Variants in EFCAB6 observed in about 807,000 individuals in gnomAD.
EFCAB6 encodes EF-hand calcium-binding domain-containing protein 6.
Under a neutral mutation model 169.8 loss-of-function variants are expected in EFCAB6, and 156 were observed. The observed-to-expected ratio is 0.92, with a 90% confidence interval of 0.81 to 1.05. EFCAB6 has a LOEUF of 1.05. Among genes scored for constraint, EFCAB6 ranks in the 50% least tolerant of loss-of-function variants. The pLI is 0.00. For synonymous variants in EFCAB6, 698 were observed against 676.4 expected (o/e 1.03, Z -0.50); for missense variants, 1,800 against 1,829.1 (o/e 0.98, Z 0.29).
chr22:43,787,816 T>C (rs1336772667), intron 2 of EFCAB6, among the ~76,000 whole-genome samples: 1 of 151,920 alleles, frequency 6.6e-6, no homozygotes, highest in Non-Finnish European at 1.5e-5. Flanking sequence ...AAAATAAAAA[T>C]AAAGTTGGAG....
chr22:43,579,200 G>A (rs911184539), intron 25 of EFCAB6, among the ~76,000 whole-genome samples: 62 of 134,128 alleles, frequency 4.6e-4, no homozygotes, highest in African/African-American at 1.6e-3. Context: ...GCATCATTCC[G>A]TACATGCAGG....
chr22:43,724,803 T>C (rs990002215), intron 8 of EFCAB6, among the ~76,000 whole-genome samples: 1 of 152,240 alleles, frequency 6.6e-6, no homozygotes, highest in Non-Finnish European at 1.5e-5. Flanking sequence ...CATGGTAATC[T>C]AGGCTTTTTC....
At chr22:43,637,861 A>T (rs1279223403) in intron 17 of EFCAB6, among the ~76,000 whole-genome samples, 2 of 152,198 alleles carry the variant, frequency 1.3e-5, no homozygotes, top group African/African-American at 4.8e-5. Flanking sequence ...AAAAAACTTT[A>T]TATTTTGAAA....
At chr22:43,566,168 A>G (rs191486637) in intron 26 of EFCAB6, among the ~76,000 whole-genome samples, 76 of 152,316 alleles carry the variant, frequency 5.0e-4, no homozygotes, top group African/African-American at 1.8e-3. Flanking sequence ...CTGGTGCATC[A>G]GGAGGTCAGG....
At position 43,668,526 on chromosome 22, in the gene EFCAB6, G is replaced by T. The variant is rs867492745; in HGVS notation, c.1814+346C>A. 2.0e-5 allele frequency among the ~76,000 whole-genome samples: 3 copies of T among 152,186 alleles called. No homozygotes were observed. In the South Asian group the frequency reaches 6.2e-4, roughly 32 times the overall value. On this transcript the variant is annotated intron_variant, in intron 16 of 31. Coordinates refer to ENST00000262726, the MANE Select transcript of EFCAB6 (RefSeq NM_022785.4). The stretch of plus-strand genomic sequence containing the variant: ...GCAAGGAATCTAAGTTTCTGGAAGA[G>T]AGTAAATGTGAATGCAGGTATGTAA...
intron 17 of EFCAB6, 120 bp from the exon 18 acceptor site, chr22:43,635,336 C>T: frequency 1.3e-6 from 1 of 742,688 alleles, no homozygotes; most frequent in Non-Finnish European, 2.3e-6. Flanking sequence ...ATTTGTCTGA[C>T]CCCACCCACA....
rs543695834 is a variant in EFCAB6, at chr22:43,697,948, C to A, written c.1032-10367G>T. 5.3e-5 allele frequency among the ~76,000 whole-genome samples: 8 copies of A among 152,274 alleles called. No individual in the cohort carries two copies. In the East Asian group the frequency reaches 1.2e-3, roughly 22 times the overall value. On this transcript the variant is annotated intron_variant, in intron 10 of 31. Transcript: ENST00000262726. ...ACAGAGGCAAAGGGACTGATCATAT[C>A]GGTCATAGGGACCCATGGGAATTCA... is the stretch of plus-strand genomic sequence containing the variant.
intron 26 of EFCAB6, among the ~76,000 whole-genome samples, chr22:43,561,195 A>C (rs968919982): frequency 2.6e-5 from 4 of 151,990 alleles, no homozygotes; most frequent in African/African-American, 9.7e-5. Flanking sequence ...CGTCTTTACC[A>C]AAAATACAAA....
intron 17 of EFCAB6, among the ~76,000 whole-genome samples, chr22:43,665,941 C>T (rs1603074492): frequency 6.6e-6 from 1 of 152,280 alleles, no homozygotes; most frequent in Middle Eastern, 3.4e-3. Context: ...GCGTGCGTGA[C>T]CACACCTGGC....
chr22:43,632,594 C>A (rs1238410991), intron 18 of EFCAB6, among the ~76,000 whole-genome samples: 2 of 152,238 alleles, frequency 1.3e-5, no homozygotes, highest in African/African-American at 4.8e-5. Flanking sequence ...GCCACCACAC[C>A]CGGCCCACTG....
intron 10 of EFCAB6, among the ~76,000 whole-genome samples, chr22:43,699,075 T>TGC (rs71762699): frequency 8.5e-6 from 1 of 117,546 alleles, no homozygotes; most frequent in Non-Finnish European, 1.9e-5. Context: ...CCTAAAAGGA[T>TGC]GCTGAGGCTC....
intron 12 of EFCAB6, among the ~76,000 whole-genome samples, chr22:43,682,511 G>A (rs1440041636): frequency 6.6e-6 from 1 of 152,142 alleles, no homozygotes; most frequent in Non-Finnish European, 1.5e-5. Context: ...CCTGAGTGGG[G>A]GTGGGTAACA....
At chr22:43,733,997 G>C (rs896941220) in intron 7 of EFCAB6, among the ~76,000 whole-genome samples, 4 of 152,062 alleles carry the variant, frequency 2.6e-5, no homozygotes, top group Non-Finnish European at 5.9e-5. Flanking sequence ...GTGATCCACC[G>C]CGCCCGGCCA....
chr22:43,784,409 G>C lies in EFCAB6; in HGVS notation c.-7-2084C>G, dbSNP rs148498505. ...CTCATGCCTGCAATCTCAGTGCTTT[G>C]AGAGGCTGAGGCAGGAGAACTGCTT... is the stretch of plus-strand genomic sequence containing the variant. On this transcript the variant is annotated intron_variant, in intron 2 of 31. Transcript: ENST00000262726. Among the ~76,000 whole-genome samples the C allele has an allele frequency of 6.8e-3, 1,015 of 149,968 alleles. 18 individuals carry two copies. Among genetic ancestry groups the C allele is most frequent in the Non-Finnish European group, 7.3e-3 (493 of 67,588 alleles).
At chr22:43,588,017 A>G (rs2051192816) in intron 24 of EFCAB6, among the ~76,000 whole-genome samples, 1 of 152,266 alleles carries the variant, frequency 6.6e-6, no homozygotes, top group African/African-American at 2.4e-5. Context: ...ATATTTAAAA[A>G]TTATTGTCTA....
At chr22:43,702,080 C>A (rs113131777) in intron 10 of EFCAB6, among the ~76,000 whole-genome samples, 2,742 of 152,216 alleles carry the variant, frequency 0.018, 32 homozygotes, top group Non-Finnish European at 0.028. Flanking sequence ...TCACACACTA[C>A]GAGAAACAGA....
At chr22:43,680,355 C>T (rs1285487432) in intron 12 of EFCAB6, among the ~76,000 whole-genome samples, 3 of 152,108 alleles carry the variant, frequency 2.0e-5, no homozygotes, top group African/African-American at 4.8e-5. Context: ...TAGCTTTGCA[C>T]TAAGATTCAA....
chr22:43,646,673 C>G (rs1278191099), intron 17 of EFCAB6, among the ~76,000 whole-genome samples: 4 of 152,114 alleles, frequency 2.6e-5, no homozygotes, highest in Admixed American at 2.6e-4. Flanking sequence ...GATTAAGCAT[C>G]TACATTTAAA....
chr22:43,625,794 T>G (rs2054471103), intron 20 of EFCAB6, among the ~76,000 whole-genome samples: 1 of 152,220 alleles, frequency 6.6e-6, no homozygotes, highest in East Asian at 1.9e-4. Flanking sequence ...ATCACCTAGC[T>G]TAACATTTGG....
Sources: gnomAD v4.1 joint callset for allele counts (sites outside exome capture counted in the v4.1 genomes callset) on GRCh38, gnomAD v4.1.1 for gene constraint, MANE v1.5 for transcripts, NCBI Gene and HGNC (gene_info 2026-07-23, HGNC 2026-07-21) for gene names.